Variants in LIPI observed in about 807,000 individuals in gnomAD.
The protein encoded by LIPI is lipase member I.
In LIPI, 59 loss-of-function variants were observed where a neutral mutation model predicts 50.6. That is an observed-to-expected ratio of 1.16 (90% CI 0.94 to 1.45). The LOEUF is 1.45. LIPI is among the 40% of genes most tolerant of loss of function. The pLI is 0.00. For missense variants in LIPI, 586 were observed against 536.3 expected (o/e 1.09, Z -0.92); for synonymous variants, 203 against 178.2 (o/e 1.14, Z -1.11).
At chr21:14,120,332 A>G (rs73155577) in intron 9 of LIPI, among the ~76,000 whole-genome samples, 20,451 of 152,270 alleles carry the variant, frequency 0.13, 1,830 homozygotes, top group South Asian at 0.21. Flanking sequence ...TCACAAGAGC[A>G]CTACTTCTAG....
Position 14,168,328 on chromosome 21 carries a change from G to C in LIPI, c.644-1877C>G, listed in dbSNP as rs913676971. ...CAGGAGGACTTCCCCAATCTAGCGA[G>C]GAAGGCCAACATTCAGATTCAGGAA... On this transcript the variant is annotated intron_variant, in intron 4 of 9. Transcript: ENST00000681601. Among the ~76,000 whole-genome samples, 5 of 152,130 alleles carry C rather than the reference G, an allele frequency of 3.3e-5. No homozygotes were observed. The East Asian group carries it at 9.7e-4, about 29-fold the overall frequency.
intron 9 of LIPI, among the ~76,000 whole-genome samples, chr21:14,117,069 G>C (rs771268670): frequency 1.4e-4 from 21 of 152,236 alleles, no homozygotes; most frequent in Non-Finnish European, 2.4e-4. Flanking sequence ...TAAATCAAAG[G>C]AGGAACTCCA....
intron 8 of LIPI, among the ~76,000 whole-genome samples, chr21:14,146,649 G>A (rs2017914857): frequency 6.6e-6 from 1 of 152,128 alleles, no homozygotes; most frequent in African/African-American, 2.4e-5. Flanking sequence ...AAATACTTCA[G>A]TGGTTTTCAT....
intron 9 of LIPI, among the ~76,000 whole-genome samples, chr21:14,138,544 A>T (rs7275901): frequency 0.17 from 25,333 of 152,008 alleles, 2,308 homozygotes; most frequent in South Asian, 0.23. Context: ...TTAATTTTTT[A>T]ATCAAGGTAT....
chr21:14,210,232 G>T (rs111417784), intron 1 of LIPI, among the ~76,000 whole-genome samples: 5,235 of 150,228 alleles, frequency 0.035, 101 homozygotes, highest in African/African-American at 0.042. Context: ...AGTAGAAAAC[G>T]ATACTCTTAA....
intron 1 of LIPI, among the ~76,000 whole-genome samples, chr21:14,198,102 C>A (rs556339019): frequency 6.6e-6 from 1 of 152,200 alleles, no homozygotes; most frequent in East Asian, 1.9e-4. Context: ...ACCTGCCTTA[C>A]AAGAGCTCTG....
intron 9 of LIPI, among the ~76,000 whole-genome samples, chr21:14,138,075 A>G (rs953501016): frequency 2.0e-5 from 3 of 152,200 alleles, no homozygotes; most frequent in African/African-American, 7.2e-5. Flanking sequence ...GAGGGATTTC[A>G]TTGATACCAG....
intron 4 of LIPI, among the ~76,000 whole-genome samples, chr21:14,176,677 A>G (rs1240350657): frequency 3.3e-5 from 3 of 91,210 alleles, no homozygotes. Context: ...GTTTGAGAAT[A>G]TTGTTTTTTT....
At chr21:14,120,485 C>G (rs1311431306) in intron 9 of LIPI, among the ~76,000 whole-genome samples, 16 of 152,144 alleles carry the variant, frequency 1.1e-4, no homozygotes. Flanking sequence ...TAGGGCAGGT[C>G]CTAGAGGCTG....
At chr21:14,147,989 T>C (rs1214928059) in intron 8 of LIPI, among the ~76,000 whole-genome samples, 3 of 152,156 alleles carry the variant, frequency 2.0e-5, no homozygotes, top group African/African-American at 7.2e-5. Flanking sequence ...GTCTGGGCCA[T>C]CTTTCTATCC....
At chr21:14,120,992 G>T (rs890875106) in intron 9 of LIPI, among the ~76,000 whole-genome samples, 3 of 152,224 alleles carry the variant, frequency 2.0e-5, no homozygotes, top group Admixed American at 6.5e-5. Flanking sequence ...GCAGTGCCAT[G>T]TGAAAACCTG....
At chr21:14,185,853 A>T (rs2019434089) in intron 3 of LIPI, 108 bp downstream of exon 3, 3 of 670,078 alleles carry the variant, frequency 4.5e-6, no homozygotes, top group South Asian at 3.4e-5. Flanking sequence ...ACTGCACTGC[A>T]GCCTGGGCAA....
intron 9 of LIPI, among the ~76,000 whole-genome samples, chr21:14,115,221 G>A (rs142794565): frequency 1.3e-5 from 2 of 152,258 alleles, no homozygotes; most frequent in South Asian, 2.1e-4. Context: ...GGCTCAGCGA[G>A]TTCCTGCTTC....
chr21:14,120,382 A>G (rs1394185514), intron 9 of LIPI, among the ~76,000 whole-genome samples: 1 of 152,228 alleles, frequency 6.6e-6, no homozygotes, highest in Non-Finnish European at 1.5e-5. Flanking sequence ...GACTCAAGAT[A>G]TGCTTTTGCC....
At chr21:14,199,243 A>G (rs1170207826) in intron 1 of LIPI, among the ~76,000 whole-genome samples, 1 of 152,080 alleles carries the variant, frequency 6.6e-6, no homozygotes, top group East Asian at 1.9e-4. Flanking sequence ...AATAACCAAA[A>G]TCAGAGCTGA....
At chr21:14,115,303 A>T (rs1600823578) in intron 9 of LIPI, among the ~76,000 whole-genome samples, 1 of 152,324 alleles carries the variant, frequency 6.6e-6, no homozygotes, top group Admixed American at 6.5e-5. Flanking sequence ...TGGAACATAT[A>T]GCATAAATAA....
chr21:14,196,140 C>A (rs1443350650), intron 1 of LIPI, among the ~76,000 whole-genome samples: 8 of 91,394 alleles, frequency 8.8e-5, no homozygotes, highest in Admixed American at 2.2e-4. Context: ...TTTTTTTTTA[C>A]ATGACACCAA....
chr21:14,183,150 G>A (rs990433370), intron 3 of LIPI, among the ~76,000 whole-genome samples: 1 of 152,172 alleles, frequency 6.6e-6, no homozygotes, highest in Non-Finnish European at 1.5e-5. Context: ...GAACAGAACA[G>A]AGCCCTCAGA....
chr21:14,141,983 A>G (rs991110168), intron 9 of LIPI, among the ~76,000 whole-genome samples: 1 of 152,212 alleles, frequency 6.6e-6, no homozygotes, highest in Non-Finnish European at 1.5e-5. Flanking sequence ...ACTTCTAGAC[A>G]TCTCTAATTA....
Sources: allele counts gnomAD v4.1 joint callset (sites outside exome capture counted in the v4.1 genomes callset), GRCh38; gene constraint gnomAD v4.1.1; transcripts MANE v1.5; gene names NCBI Gene and HGNC (gene_info 2026-07-23, HGNC 2026-07-21).